Variants in LPA observed in about 807,000 individuals in gnomAD.
LPA encodes the protein apolipoprotein(a).
A neutral mutation model predicts 197.9 loss-of-function variants in LPA; 199 were observed. The observed-to-expected ratio is 1.01, with a 90% CI of 0.90 to 1.13. The LOEUF (loss-of-function observed/expected upper bound fraction) is 1.13, where lower values mean the gene tolerates loss of function less well. LPA is among the 50% of genes most tolerant of loss of function. The pLI is 0.00. For missense variants in LPA, 1,853 were observed against 1,785.8 expected (o/e 1.04, Z -0.68); for synonymous variants, 715 against 639.5 (o/e 1.12, Z -1.78).
chr6:160,585,283 G>T, intron 25 of LPA, 78 bp from the exon 26 acceptor site: 1 of 1,374,196 alleles, frequency 7.3e-7, no homozygotes, highest in Non-Finnish European at 1.0e-6. Context: ...ACACAAAGTG[G>T]AATAATCTGA....
rs773327709 is a variant in LPA at position 160,585,214 on chromosome 6, A to G, written c.4130-9T>C. On this transcript the variant is annotated splice_polypyrimidine_tract_variant and intron_variant, in intron 25 of 38. Coordinates refer to ENST00000316300, the MANE Select transcript of LPA (RefSeq NM_005577.4). ...GCTGTTTTCAGTTGGTGCTGAAATTAAAAGAGAAAATCAAGCTCAGTATTG... is the reference window on the plus strand; with the variant it reads ...GCTGTTTTCAGTTGGTGCTGAAATTGAAAGAGAAAATCAAGCTCAGTATTG... 2.5e-6 allele frequency: 4 copies of G among 1,613,722 alleles called. No individual in the cohort carries two copies. The highest frequency in any genetic ancestry group is 2.2e-5 in the East Asian group (1 of 44,860).
At chr6:160,647,946 T>C (rs1419962885) in intron 2 of LPA, among the ~76,000 whole-genome samples, 1 of 152,200 alleles carries the variant, frequency 6.6e-6, no homozygotes, top group African/African-American at 2.4e-5. Context: ...GTTCCCTTCT[T>C]GTTCTATTCT....
intron 29 of LPA, among the ~76,000 whole-genome samples, chr6:160,556,685 A>G (rs1778270310): frequency 6.6e-6 from 1 of 152,154 alleles, no homozygotes. Flanking sequence ...ATTGCTTCTT[A>G]GAGAAGGATG....
intron 1 of LPA, among the ~76,000 whole-genome samples, chr6:160,660,099 G>C (rs1176452430): frequency 6.6e-6 from 1 of 152,240 alleles, no homozygotes; most frequent in Non-Finnish European, 1.5e-5. Flanking sequence ...TGTGATACAG[G>C]TGTTTGATAT....
intron 7 of LPA, among the ~76,000 whole-genome samples, chr6:160,634,727 G>A (rs539818671): frequency 2.6e-5 from 4 of 151,906 alleles, no homozygotes; most frequent in Admixed American, 2.6e-4. Flanking sequence ...CACATTTTTT[G>A]AAATCTGCAA....
At chr6:160,583,489 A>G (rs2115036417) in intron 26 of LPA, among the ~76,000 whole-genome samples, 1 of 152,204 alleles carries the variant, frequency 6.6e-6, no homozygotes, top group African/African-American at 2.4e-5. Context: ...AAGATGTTCA[A>G]TGAAGTGTCT....
intron 1 of LPA, among the ~76,000 whole-genome samples, chr6:160,655,899 C>T (rs1780124058): frequency 6.6e-6 from 1 of 152,134 alleles, no homozygotes; most frequent in African/African-American, 2.4e-5. Context: ...TGATACACCC[C>T]TGAGGTAGGG....
intron 30 of LPA, 42 bp downstream of exon 30, chr6:160,555,983 A>G (rs1778256012): frequency 7.0e-7 from 1 of 1,429,040 alleles, no homozygotes. Flanking sequence ...GAGGAACTTA[A>G]GTTGGCTGTT....
intron 30 of LPA, among the ~76,000 whole-genome samples, chr6:160,549,967 A>G (rs1583571998): frequency 6.6e-6 from 1 of 152,266 alleles, no homozygotes; most frequent in Non-Finnish European, 1.5e-5. Flanking sequence ...TCACGCCTGT[A>G]ATCCCAGCAC....
At chr6:160,580,976 A>T (rs1554235050) in intron 26 of LPA, among the ~76,000 whole-genome samples, 1 of 151,966 alleles carries the variant, frequency 6.6e-6, no homozygotes, top group Non-Finnish European at 1.5e-5. Context: ...CCCTCAAAAA[A>T]TTTTTCCTTC....
intron 18 of LPA, 52 bp from the exon 19 acceptor site, chr6:160,601,150 A>G (rs1779234552): frequency 6.6e-7 from 1 of 1,526,094 alleles, no homozygotes. Context: ...ATATGCAGGA[A>G]CACTGTATAT....
intron 22 of LPA, among the ~76,000 whole-genome samples, chr6:160,592,179 T>C (rs1779042797): frequency 6.6e-6 from 1 of 152,212 alleles, no homozygotes. Context: ...GATGTTTTCC[T>C]AGATGTCCTT....
intron 28 of LPA, among the ~76,000 whole-genome samples, chr6:160,557,856 C>G (rs900643426): frequency 6.6e-6 from 1 of 151,934 alleles, no homozygotes; most frequent in African/African-American, 2.4e-5. Flanking sequence ...TTCGGAATAT[C>G]TTCCTCCTTC....
rs188202765 is a variant in LPA at position 160,567,352 on chromosome 6, G to T, written c.4632-9781C>A. On this transcript the variant is annotated intron_variant, in intron 28 of 38. Coordinates refer to ENST00000316300, the MANE Select transcript of LPA (RefSeq NM_005577.4). ...AGGATTAAGAAACTCATTAAAAACT[G>T]CTCAACTATATGGAAACTGAACAAC... 3.3e-5 allele frequency among the ~76,000 whole-genome samples: 5 copies of T among 152,216 alleles called. No individual in the cohort carries two copies. In the East Asian group the frequency reaches 9.7e-4, roughly 29 times the overall value.
chr6:160,557,609 G>GA lies in LPA; in HGVS notation c.4632-39dup, dbSNP rs765352339. 27 of 1,602,180 alleles carry GA rather than the reference G, an allele frequency of 1.7e-5. No individual in the cohort carries two copies. In the African/African-American group the frequency reaches 3.1e-4, roughly 18 times the overall value. The stretch of plus-strand genomic sequence containing the variant: ...AAACAACACAGGTCACAAGAGGCGG[G>GA]AAAAAATTCAGGGGCACCCAGCGCT... On this transcript the variant is annotated intron_variant, in intron 28 of 38. Transcript: ENST00000316300.
At chr6:160,661,680 A>C (rs1293243809) in intron 1 of LPA, among the ~76,000 whole-genome samples, 2 of 152,198 alleles carry the variant, frequency 1.3e-5, no homozygotes, top group Admixed American at 6.5e-5. Flanking sequence ...ATGCATTCTG[A>C]ACCTAATCCA....
At chr6:160,538,275 G>C (rs1317342318) in intron 36 of LPA, among the ~76,000 whole-genome samples, 1 of 152,240 alleles carries the variant, frequency 6.6e-6, no homozygotes, top group Non-Finnish European at 1.5e-5. Context: ...GGAATCTCAT[G>C]CCAAGTGTGT....
At chr6:160,607,789 C>A (rs1779390721) in intron 16 of LPA, among the ~76,000 whole-genome samples, 1 of 152,102 alleles carries the variant, frequency 6.6e-6, no homozygotes, top group African/African-American at 2.4e-5. Flanking sequence ...GTACTAAGAG[C>A]CCAAACTCGT....
intron 1 of LPA, among the ~76,000 whole-genome samples, chr6:160,660,303 G>T (rs920327245): frequency 6.6e-6 from 1 of 152,070 alleles, no homozygotes; most frequent in Non-Finnish European, 1.5e-5. Context: ...ATCTTAAGGG[G>T]CATTCTTTTC....
Sources: allele counts gnomAD v4.1 joint callset (sites outside exome capture counted in the v4.1 genomes callset), GRCh38; gene constraint gnomAD v4.1.1; transcripts MANE v1.5; gene names NCBI Gene and HGNC (gene_info 2026-07-23, HGNC 2026-07-21).